CREB5: variants seen among roughly 807,000 people sequenced by gnomAD.
CREB5 encodes the protein cAMP responsive element binding protein 5, also known as cyclic AMP-responsive element-binding protein 5.
In CREB5, 19 loss-of-function variants were observed where a neutral mutation model predicts 57.1. The observed-to-expected ratio is 0.33, with a 90% CI of 0.23 to 0.49. The LOEUF (loss-of-function observed/expected upper bound fraction) is 0.49, where lower values mean the gene tolerates loss of function less well. Among genes scored for constraint, CREB5 ranks in the 20% least tolerant of loss-of-function variants. CREB5 has a pLI of 0.99. For missense variants in CREB5, 579 were observed against 671.6 expected (o/e 0.86, Z 1.52); for synonymous variants, 238 against 238.3 (o/e 1.00, Z 0.01).
At chr7:28,404,368 T>A (rs1001751859) in intron 1 of CREB5, among the ~76,000 whole-genome samples, 2 of 152,272 alleles carry the variant, frequency 1.3e-5, no homozygotes, top group African/African-American at 2.4e-5. Context: ...AAGCGTGACC[T>A]CTCAGGGCTG....
Position 28,593,398 on chromosome 7 carries a change from G to A in CREB5, c.464+22861G>A, listed in dbSNP as rs142037984. On this transcript the variant is annotated intron_variant, in intron 5 of 10. Transcript: ENST00000357727. ...TGAGTAGGTAGGATTACAAGCATGC[G>A]CCACCACGCCTGGCTAATTTTTGTA... is the stretch of plus-strand genomic sequence containing the variant. 5.6e-4 allele frequency among the ~76,000 whole-genome samples: 85 copies of A among 152,114 alleles called. 1 individual carries two copies. The highest frequency in any genetic ancestry group is 1.8e-3 in the African/African-American group (74 of 41,492).
At position 28,463,849 on chromosome 7, in the gene CREB5, A is replaced by C. The variant is rs138256084; in HGVS notation, c.4-24326A>C. 6.6e-5 allele frequency among the ~76,000 whole-genome samples: 10 copies of C among 152,280 alleles called. No individual in the cohort carries two copies. The East Asian group carries it at 1.9e-3, about 29-fold the overall frequency. On this transcript the variant is annotated intron_variant, in intron 1 of 10. Transcript: ENST00000357727. ...TAATTCCTTAGTTTCTTCCATATAC[A>C]AGAATATGTTGTCTGTGAATAGAGA...
chr7:28,574,724 T>C (rs1468634457), intron 5 of CREB5, among the ~76,000 whole-genome samples: 1 of 152,184 alleles, frequency 6.6e-6, no homozygotes. Flanking sequence ...TATCTAACAT[T>C]AGAATATACA....
chr7:28,672,216 A>G (rs139208900), intron 5 of CREB5, among the ~76,000 whole-genome samples: 41 of 97,342 alleles, frequency 4.2e-4, no homozygotes, highest in African/African-American at 1.7e-3. Context: ...CACACACACA[A>G]ACACTGGACT....
At chr7:28,567,709 C>T (rs985062525) in intron 4 of CREB5, among the ~76,000 whole-genome samples, 3 of 152,158 alleles carry the variant, frequency 2.0e-5, no homozygotes, top group African/African-American at 4.8e-5. Flanking sequence ...AGGGCAAGGG[C>T]ATTGGCGTTA....
intron 8 of CREB5, among the ~76,000 whole-genome samples, chr7:28,808,712 C>CTTTT (rs59374546): frequency 2.4e-4 from 20 of 83,194 alleles, no homozygotes; most frequent in East Asian, 6.5e-4. Flanking sequence ...CCAATTTTTC[C>CTTTT]TTTTTTTTTT....
intron 7 of CREB5, among the ~76,000 whole-genome samples, chr7:28,766,848 G>A (rs923713753): frequency 3.9e-5 from 6 of 152,222 alleles, no homozygotes; most frequent in East Asian, 1.9e-4. Flanking sequence ...AGGGATGATC[G>A]TGTGTCTTCA....
At chr7:28,505,619 G>T (rs1262969995) in intron 3 of CREB5, among the ~76,000 whole-genome samples, 1 of 152,198 alleles carries the variant, frequency 6.6e-6, no homozygotes, top group African/African-American at 2.4e-5. Flanking sequence ...GGATCAGGGA[G>T]GGCAAAGCAT....
chr7:28,436,287 C>T (rs980480612), intron 1 of CREB5, among the ~76,000 whole-genome samples: 1 of 152,090 alleles, frequency 6.6e-6, no homozygotes, highest in Non-Finnish European at 1.5e-5. Context: ...GGCCTTTCCA[C>T]TTATGTTTTC....
chr7:28,634,215 C>A (rs1798318777), intron 5 of CREB5, among the ~76,000 whole-genome samples: 1 of 152,180 alleles, frequency 6.6e-6, no homozygotes. Flanking sequence ...TAAACAGCAA[C>A]TGGCATGTCT....
At position 28,454,222 on chromosome 7, in the gene CREB5, G is replaced by A. The variant is rs113659973; in HGVS notation, c.4-33953G>A. On this transcript the variant is annotated intron_variant, in intron 1 of 10. Coordinates refer to ENST00000357727, the MANE Select transcript of CREB5 (RefSeq NM_182898.4). ...CCTGCCTCGGCCTCCCAAAGTGCTGGGTTTACAGGCATGAGCCACCACGCG... is the reference window on the plus strand; with the variant it reads ...CCTGCCTCGGCCTCCCAAAGTGCTGAGTTTACAGGCATGAGCCACCACGCG... Among the ~76,000 whole-genome samples the A allele has an allele frequency of 3.3e-3, 500 of 152,208 alleles. 3 individuals are homozygous for A. Among genetic ancestry groups the A allele is most frequent in the African/African-American group, 0.012 (481 of 41,542 alleles).
intron 5 of CREB5, among the ~76,000 whole-genome samples, chr7:28,607,744 TGTGTGTGTGTGTG>T (rs1797200147): frequency 0.027 from 221 of 8,140 alleles, no homozygotes; most frequent in Admixed American, 0.21. Context: ...GCTGTGTGTG[TGTGTGTGTGTGTG>T]TGTGTGTGTG....
At chr7:28,375,399 T>C (rs1786804123) in intron 1 of CREB5, among the ~76,000 whole-genome samples, 1 of 152,112 alleles carries the variant, frequency 6.6e-6, no homozygotes, top group Non-Finnish European at 1.5e-5. Context: ...GAATGGTTAA[T>C]GGGTACAAAA....
intron 7 of CREB5, among the ~76,000 whole-genome samples, chr7:28,797,309 A>C (rs1046780870): frequency 1.3e-5 from 2 of 152,028 alleles, no homozygotes; most frequent in Admixed American, 1.3e-4. Context: ...ATCCTGTGAT[A>C]CTCCTGGCAT....
At chr7:28,625,413 T>C (rs953803143) in intron 5 of CREB5, among the ~76,000 whole-genome samples, 2 of 152,150 alleles carry the variant, frequency 1.3e-5, no homozygotes, top group African/African-American at 4.8e-5. Flanking sequence ...CTATCTGCAT[T>C]CTCAGTGCAC....
upstream of CREB5, among the ~76,000 whole-genome samples, chr7:28,408,613 C>A (rs1288881940): frequency 6.6e-6 from 1 of 152,208 alleles, no homozygotes; most frequent in Admixed American, 6.5e-5. Flanking sequence ...TCAGGCTCAT[C>A]ACTTGGCTCT....
At chr7:28,382,292 C>CT (rs1786981188) in intron 1 of CREB5, among the ~76,000 whole-genome samples, 2 of 152,190 alleles carry the variant, frequency 1.3e-5, no homozygotes, top group Admixed American at 1.3e-4. Flanking sequence ...ACATGCCCAT[C>CT]TTTTCCAGAA....
intron 5 of CREB5, among the ~76,000 whole-genome samples, chr7:28,640,509 A>G (rs1467996689): frequency 6.6e-6 from 1 of 152,236 alleles, no homozygotes; most frequent in Non-Finnish European, 1.5e-5. Context: ...TATCATTTCT[A>G]TCACATGACT....
At chr7:28,478,356 T>A (rs898490339) in intron 1 of CREB5, among the ~76,000 whole-genome samples, 3 of 150,830 alleles carry the variant, frequency 2.0e-5, no homozygotes, top group Non-Finnish European at 4.4e-5. Context: ...ATATACATAT[T>A]TATATATATT....
Sources: gnomAD v4.1 joint callset for allele counts (sites outside exome capture counted in the v4.1 genomes callset) on GRCh38, gnomAD v4.1.1 for gene constraint, MANE v1.5 for transcripts, NCBI Gene and HGNC (gene_info 2026-07-23, HGNC 2026-07-21) for gene names.